The following VSTM2L variants were observed in gnomAD, a reference collection of about 807,000 sequenced individuals.
The protein encoded by VSTM2L is V-set and transmembrane domain containing 2 like, also known as V-set and transmembrane domain-containing protein 2-like protein.
In VSTM2L, 9 loss-of-function variants were observed where a neutral mutation model predicts 19.9. That is an observed-to-expected ratio of 0.45 (90% CI 0.27 to 0.79). The LOEUF is 0.79. VSTM2L is among the 30% of genes least tolerant of loss of function. The pLI, the probability that VSTM2L is intolerant of heterozygous loss-of-function variation, is 0.15. For synonymous variants in VSTM2L, 127 were observed against 133.8 expected (o/e 0.95, Z 0.35); for missense variants, 286 against 295.5 (o/e 0.97, Z 0.24).
chr20:37,919,061 G>A (rs545015915), intron 1 of VSTM2L, among the ~76,000 whole-genome samples: 8 of 152,276 alleles, frequency 5.3e-5, no homozygotes, highest in Non-Finnish European at 8.8e-5. Context: ...GGCTCCCTGA[G>A]GGCAGGGGCC....
intron 1 of VSTM2L, among the ~76,000 whole-genome samples, chr20:37,906,242 T>G (rs2072751432): frequency 6.6e-6 from 1 of 152,140 alleles, no homozygotes; most frequent in South Asian, 2.1e-4. Flanking sequence ...ACATCTGTTT[T>G]GCTTCCCATC....
At position 37,943,964 on chromosome 20, in the gene VSTM2L, C is replaced by G; in HGVS notation, c.343-17C>G. On this transcript the variant is annotated splice_polypyrimidine_tract_variant and intron_variant, in intron 3 of 3. Transcript: ENST00000373461. ...TGTCACTGGATGGACAGGTCACGGT[C>G]TCTCTGTCACCCCCAGGTGGTCAAG... 8.1e-7 allele frequency: 1 copy of G among 1,229,002 alleles called. No homozygotes were observed. Among genetic ancestry groups the G allele is most frequent in the Non-Finnish European group, 1.1e-6 (1 of 943,618 alleles). The allele number at this position is 1,229,002 out of a possible 1,614,324, so 76.1% of individuals were successfully genotyped here.
chr20:37,921,093 C>T (rs1420744661), intron 1 of VSTM2L, among the ~76,000 whole-genome samples: 1 of 152,186 alleles, frequency 6.6e-6, no homozygotes, highest in African/African-American at 2.4e-5. Context: ...TGTCATATAA[C>T]ACACTCAGCA....
rs965753544 is a variant in VSTM2L, at chr20:37,903,143, G to A, written c.-208G>A. 1.9e-4 allele frequency: 108 copies of A among 560,558 alleles called. No individual in the cohort carries two copies. Among genetic ancestry groups the A allele is most frequent in the African/African-American group, 1.9e-3 (96 of 50,326 alleles). The allele number at this position is 560,558 out of a possible 1,614,324, so 34.7% of individuals were successfully genotyped here. ...AAGAGTCCCGCAGTCGGAGGCGGCC[G>A]GCTGGGCGTGCGCTCGCTCCCCGAA... On this transcript the variant is annotated 5_prime_UTR_variant, in exon 1 of 4. Coordinates refer to ENST00000373461, the MANE Select transcript of VSTM2L (RefSeq NM_080607.3).
At chr20:37,921,595 G>A (rs1052679840) in intron 1 of VSTM2L, among the ~76,000 whole-genome samples, 2 of 152,136 alleles carry the variant, frequency 1.3e-5, no homozygotes, top group African/African-American at 2.4e-5. Flanking sequence ...TTCAATTCTA[G>A]TTGGAGTACA....
chr20:37,916,870 T>A (rs940309324), intron 1 of VSTM2L, among the ~76,000 whole-genome samples: 1 of 151,740 alleles, frequency 6.6e-6, no homozygotes, highest in African/African-American at 2.4e-5. Context: ...ATATCCGGAG[T>A]AGGCAAATGT....
At chr20:37,906,468 GA>G (rs889521559) in intron 1 of VSTM2L, among the ~76,000 whole-genome samples, 5 of 152,236 alleles carry the variant, frequency 3.3e-5, no homozygotes, top group African/African-American at 1.2e-4. Flanking sequence ...GCAGGGATGG[GA>G]GGAAAAGGTG....
intron 3 of VSTM2L, among the ~76,000 whole-genome samples, chr20:37,937,019 G>A (rs1252227361): frequency 1.3e-5 from 2 of 152,006 alleles, no homozygotes; most frequent in South Asian, 2.1e-4. Context: ...TCAGGAGTTC[G>A]TGACAAGCCT....
At chr20:37,923,106 C>G (rs2072861415) in intron 1 of VSTM2L, among the ~76,000 whole-genome samples, 1 of 152,164 alleles carries the variant, frequency 6.6e-6, no homozygotes, top group Non-Finnish European at 1.5e-5. Flanking sequence ...CTCTCATTCT[C>G]CCCTTTTTCC....
chr20:37,910,918 T>TAAA (rs527960204), intron 1 of VSTM2L, among the ~76,000 whole-genome samples: 1 of 135,244 alleles, frequency 7.4e-6, no homozygotes. Flanking sequence ...CCCTGTCTCT[T>TAAA]AAAAAAAAAA....
At chr20:37,924,707 C>T (rs2122959401) in intron 1 of VSTM2L, among the ~76,000 whole-genome samples, 1 of 152,110 alleles carries the variant, frequency 6.6e-6, no homozygotes, top group African/African-American at 2.4e-5. Flanking sequence ...TCAAAATACA[C>T]ATCAATCTGT....
chr20:37,940,415 C>T (rs749302288), intron 3 of VSTM2L, among the ~76,000 whole-genome samples: 3 of 152,226 alleles, frequency 2.0e-5, no homozygotes, highest in Non-Finnish European at 4.4e-5. Flanking sequence ...ACGTAGGGGA[C>T]GATGGGCAGC....
rs1321506946 is a variant in VSTM2L at position 37,944,022 on chromosome 20, C to T, written c.384C>T (p.Arg128=). Residue 128 remains arginine, a synonymous_variant, in exon 4 of 4, where the codon CGC becomes CGT. Coordinates refer to ENST00000373461, the MANE Select transcript of VSTM2L (RefSeq NM_080607.3). ...VVGSNISHKL[R]LSRVKPTDEG... is the part of the protein sequence containing the mutation. ...GCAGCAACATCTCCCACAAGCTGCG[C>T]CTGTCCCGGGTGAAGCCCACGGACG... 6.2e-7 allele frequency: 1 copy of T among 1,605,732 alleles called. No homozygotes were observed. The highest frequency in any genetic ancestry group is 1.3e-5 in the African/African-American group (1 of 74,692).
chr20:37,906,681 C>T (rs1247616420), intron 1 of VSTM2L, among the ~76,000 whole-genome samples: 9 of 152,230 alleles, frequency 5.9e-5, no homozygotes, highest in Admixed American at 5.9e-4. Context: ...ATGCATCTGG[C>T]AGCTCTGGGA....
At chr20:37,927,356 T>C (rs916868443) in intron 1 of VSTM2L, among the ~76,000 whole-genome samples, 2 of 152,260 alleles carry the variant, frequency 1.3e-5, no homozygotes, top group African/African-American at 4.8e-5. Flanking sequence ...TTCACGTGTT[T>C]TTTTTTACTT....
intron 1 of VSTM2L, among the ~76,000 whole-genome samples, chr20:37,926,728 C>T (rs2122961528): frequency 6.6e-6 from 1 of 152,264 alleles, no homozygotes; most frequent in Middle Eastern, 3.4e-3. Flanking sequence ...AATCCAGACT[C>T]TACTATGTGG....
chr20:37,931,835 G>A (rs1456247500), intron 2 of VSTM2L, 31 bp downstream of exon 2: 1 of 1,604,052 alleles, frequency 6.2e-7, no homozygotes, highest in Non-Finnish European at 8.5e-7. Flanking sequence ...CCCAAGCTGG[G>A]CTGGGGAAGT....
At chr20:37,903,906 C>T (rs900145258) in intron 1 of VSTM2L, among the ~76,000 whole-genome samples, 4 of 152,208 alleles carry the variant, frequency 2.6e-5, no homozygotes, top group African/African-American at 9.6e-5. Flanking sequence ...ACACGCTTCG[C>T]CACAACTCTT....
At chr20:37,938,364 G>GC (rs2072952201) in intron 3 of VSTM2L, among the ~76,000 whole-genome samples, 1 of 152,222 alleles carries the variant, frequency 6.6e-6, no homozygotes, top group African/African-American at 2.4e-5. Context: ...CCAGCGAAGT[G>GC]CTGGGTGGAG....
Sources: allele counts gnomAD v4.1 joint callset (sites outside exome capture counted in the v4.1 genomes callset), GRCh38; gene constraint gnomAD v4.1.1; transcripts MANE v1.5; gene names NCBI Gene and HGNC (gene_info 2026-07-23, HGNC 2026-07-21).